Variants in TRIM66 observed in about 807,000 individuals in gnomAD.
TRIM66 encodes the protein tripartite motif containing 66.
Under a neutral mutation model 148.2 loss-of-function variants are expected in TRIM66, and 99 were observed. The ratio of observed to expected loss-of-function variants is 0.67; its 90% confidence interval spans 0.57 to 0.79. TRIM66 has a LOEUF of 0.79. TRIM66 is among the 30% of genes least tolerant of loss of function. The probability of loss-of-function intolerance (pLI) is 0.00; values close to 1 mark genes in which losing one functional copy is unlikely to be tolerated. For synonymous variants in TRIM66, 616 were observed against 635.9 expected, an observed-to-expected ratio of 0.97 and a Z score of 0.47; for missense variants, 1,666 against 1,697.9, an observed-to-expected ratio of 0.98 and a Z score of 0.33.
Position 8,617,872 on chromosome 11 carries a change from G to A in TRIM66, c.*72C>T. 1 of 1,417,920 alleles carries A rather than the reference G, an allele frequency of 7.1e-7. No individual in the cohort carries two copies. Among genetic ancestry groups the A allele is most frequent in the Non-Finnish European group, 9.8e-7 (1 of 1,025,262 alleles). 87.8% of individuals were successfully genotyped at this position (1,417,920 alleles called of 1,614,324 possible). ...ACCATCCACACTCTGAAGAGGATAA[G>A]CTGCAAGATGGGGAGGAATGGTCGA... On this transcript the variant is annotated 3_prime_UTR_variant, in exon 25 of 25. Transcript: ENST00000646038.
chr11:8,629,057 A>T (rs556951827), intron 15 of TRIM66, among the ~76,000 whole-genome samples: 1 of 152,210 alleles, frequency 6.6e-6, no homozygotes, highest in South Asian at 2.1e-4. Context: ...GTTGAAGAGA[A>T]GCAAGGTGGA....
Position 8,649,846 on chromosome 11 carries a change from G to A in TRIM66, c.486C>T (p.Leu162=), listed in dbSNP as rs773949396. Residue 162 remains leucine (L), a synonymous_variant, in exon 8 of 25, where the codon CTC becomes CTT. Transcript: ENST00000646038. ...ACAGCCAGCGATTGCAGTAGGTGCA[G>A]AGGATATGTGCTGCCCTCTTCTCCT... ...ECKEKRAAHI[L]CTYCNRWLCS... is the part of the protein sequence containing the mutation. 109 of 1,551,706 alleles carry A rather than the reference G, an allele frequency of 7.0e-5. 1 individual carries two copies. In the South Asian group the frequency reaches 1.2e-3, roughly 17 times the overall value.
chr11:8,655,809 A>G (rs1465632341), intron 6 of TRIM66, among the ~76,000 whole-genome samples: 1 of 152,036 alleles, frequency 6.6e-6, no homozygotes, highest in African/African-American at 2.4e-5. Context: ...AAAATAAAAA[A>G]TTAAAAAAAA....
At chr11:8,669,423 C>T (rs1047075504) in intron 6 of TRIM66, among the ~76,000 whole-genome samples, 9 of 152,130 alleles carry the variant, frequency 5.9e-5, no homozygotes, top group Admixed American at 2.6e-4. Flanking sequence ...GCAGGCAGGT[C>T]ACTTGAGGTC....
In TRIM66 at chr11:8,672,101, G is replaced by A; in HGVS notation, c.28-3C>T. 2 of 1,527,036 alleles carry A rather than the reference G, an allele frequency of 1.3e-6. No homozygotes were observed. Among genetic ancestry groups the A allele is most frequent in the Non-Finnish European group, 1.8e-6 (2 of 1,142,306 alleles). 94.6% of individuals were successfully genotyped at this position (1,527,036 alleles called of 1,614,324 possible). A position where few individuals can be genotyped will look rare whatever the true frequency, so the allele number is the denominator to read the frequency against. The stretch of plus-strand genomic sequence containing the variant: ...GTAGAGCGAGCCAGCTCCACTCCCT[G>A]TAAGTGAAGCACAAAGCAGAGTGAT... On this transcript the variant is annotated splice_region_variant and splice_polypyrimidine_tract_variant and intron_variant, in intron 5 of 24. Coordinates refer to ENST00000646038, the MANE Select transcript of TRIM66 (RefSeq NM_001388022.1).
chr11:8,647,973 T>C lies in TRIM66; in HGVS notation c.839A>G (p.Asp280Gly). 6.4e-7 allele frequency: 1 copy of C among 1,551,418 alleles called. No individual in the cohort carries two copies. The highest frequency in any genetic ancestry group is 8.7e-7 in the Non-Finnish European group (1 of 1,146,576). The change falls in exon 10 of 25, where the codon GAC becomes GGC. Residue 280 changes from aspartate to glycine, a missense_variant. Asp to Gly is a moderately conservative substitution (Grantham distance 94, BLOSUM62 -1). Coordinates refer to ENST00000646038, the MANE Select transcript of TRIM66 (RefSeq NM_001388022.1). ...GCAAGGCACTAGCCTGTGCTACCTG[T>C]CCTCAATTTGCTTTGCAGATGTCTG... ...SLQTSAKQIE[D>G]RIFEVKHQHR...
rs1472260510 is a variant in TRIM66 at position 8,617,720 on chromosome 11, T to TAA, written c.*222_*223dup. Reference sequence around the variant, plus strand: ...ATACATCTGATTACTCTGGTAATAATAAATACCTTCCTCTTTCCTGTTTAT... The same window carrying TAA: ...ATACATCTGATTACTCTGGTAATAATAAAAATACCTTCCTCTTTCCTGTTTAT... On this transcript the variant is annotated 3_prime_UTR_variant, in exon 25 of 25. Transcript: ENST00000646038. 3.1e-5 allele frequency: 17 copies of TAA among 544,576 alleles called. No individual in the cohort carries two copies. The highest frequency in any genetic ancestry group is 5.5e-5 in the Non-Finnish European group (17 of 306,492). The allele number at this position is 544,576 out of a possible 1,614,324, so 33.7% of individuals were successfully genotyped here. A position where few individuals can be genotyped will look rare whatever the true frequency, so the allele number is the denominator to read the frequency against.
At chr11:8,651,330 G>C (rs1325947116) in intron 7 of TRIM66, among the ~76,000 whole-genome samples, 5 of 152,084 alleles carry the variant, frequency 3.3e-5, no homozygotes, top group African/African-American at 1.2e-4. Flanking sequence ...CGGCCAATAA[G>C]TGATAAAAAT....
chr11:8,641,209 T>C (rs2133096531), intron 13 of TRIM66, 57 bp from the exon 14 acceptor site: 1 of 1,436,950 alleles, frequency 7.0e-7, no homozygotes, highest in Non-Finnish European at 9.4e-7. Flanking sequence ...CCCACCTTGC[T>C]ACTTCCTGCT....
intron 7 of TRIM66, among the ~76,000 whole-genome samples, chr11:8,651,056 C>G (rs1025139211): frequency 2.6e-5 from 4 of 152,164 alleles, no homozygotes; most frequent in Admixed American, 6.5e-5. Context: ...TATAAAACAT[C>G]AAGAGAAGGG....
Position 8,617,208 on chromosome 11 carries a change from G to GT in TRIM66, c.*735dup, listed in dbSNP as rs1565464328. On this transcript the variant is annotated 3_prime_UTR_variant, in exon 25 of 25. Coordinates refer to ENST00000646038, the MANE Select transcript of TRIM66 (RefSeq NM_001388022.1). ...CTGAAGTGGACATCTTACTAAGTCT[G>GT]TAAGTGAAATCTGAACCAGAAGATT... 2 of 152,444 alleles carry GT rather than the reference G, an allele frequency of 1.3e-5. No homozygotes were observed. The highest frequency in any genetic ancestry group is 4.1e-4 in the South Asian group (2 of 4,836). The allele number at this position is 152,444 out of a possible 1,614,324, so 9.4% of individuals were successfully genotyped here. A position where few individuals can be genotyped will look rare whatever the true frequency, so the allele number is the denominator to read the frequency against.
chr11:8,666,279 C>T (rs2133435363), intron 6 of TRIM66, among the ~76,000 whole-genome samples: 1 of 140,104 alleles, frequency 7.1e-6, no homozygotes, highest in South Asian at 2.2e-4. Flanking sequence ...GCAGAGGTTC[C>T]AGTGAGCCAA....
At chr11:8,683,064 G>A, upstream of TRIM66, 1 of 967,668 alleles carries the variant, frequency 1.0e-6, no homozygotes, top group Non-Finnish European at 1.6e-6. Flanking sequence ...GGCCCTGAGC[G>A]GATCGGTACC....
rs1229221055 is a variant in TRIM66 at position 8,613,512 on chromosome 11, T to A, written c.*4432A>T. On this transcript the variant is annotated 3_prime_UTR_variant, in exon 25 of 25. Transcript: ENST00000646038. The stretch of plus-strand genomic sequence containing the variant: ...AGAATCAGTTTAAAAAGGATCTTTT[T>A]AAAAGTAACTTGGTTAACAAGGAAA... The A allele has an allele frequency of 6.6e-6, 1 of 152,176 alleles. No homozygotes were observed. The highest frequency in any genetic ancestry group is 1.5e-5 in the Non-Finnish European group (1 of 68,036). 9.4% of individuals were successfully genotyped at this position (152,176 alleles called of 1,614,324 possible).
chr11:8,655,182 T>C (rs2037715899), intron 6 of TRIM66, among the ~76,000 whole-genome samples: 1 of 152,058 alleles, frequency 6.6e-6, no homozygotes, highest in Admixed American at 6.6e-5. Flanking sequence ...TTTCGGGAGT[T>C]TGTGTGTTCC....
rs976067522 is a variant in TRIM66, at chr11:8,618,902, T to C, written c.3967A>G (p.Ile1323Val). 1.2e-5 allele frequency: 19 copies of C among 1,551,244 alleles called. No individual in the cohort carries two copies. In the East Asian group the frequency reaches 4.4e-4, roughly 36 times the overall value. Reference sequence around the variant, plus strand: ...TGGGCAAACCGTTTCTCCGGGTAGATCTCCTTCAACCAGCCCTCAAAGAAC... The same window carrying C: ...TGGGCAAACCGTTTCTCCGGGTAGACCTCCTTCAACCAGCCCTCAAAGAAC... The part of the protein sequence containing the change: ...EVFFEGWLKE[I>V]YPEKRFAQPR... Residue 1323 changes from isoleucine to valine, a missense_variant, in exon 24 of 25, where the codon ATC becomes GTC. Ile to Val is a conservative substitution (Grantham distance 29). Around this residue, in one of 3 missense-constraint regions of TRIM66, gnomAD observed 204 missense variants for 231.0 expected, o/e 0.88. Coordinates refer to ENST00000646038, the MANE Select transcript of TRIM66 (RefSeq NM_001388022.1).
rs537498198 is a variant in TRIM66, at chr11:8,679,679, G to C, written c.-249C>G. 5.4e-4 allele frequency: 83 copies of C among 152,744 alleles called. 1 individual carries two copies. Among genetic ancestry groups the C allele is most frequent in the African/African-American group, 2.0e-3 (83 of 41,534 alleles). 9.5% of individuals were successfully genotyped at this position (152,744 alleles called of 1,614,324 possible). A position where few individuals can be genotyped will look rare whatever the true frequency, so the allele number is the denominator to read the frequency against. ...CCAGGTAACCCAGCTCATTTCTTGT[G>C]CACTTACTGGCCAGTTTTGATGTCA... On this transcript the variant is annotated 5_prime_UTR_variant, in exon 3 of 25. Transcript: ENST00000646038.
intron 3 of TRIM66, chr11:8,679,356 G>C (rs1196202409): frequency 6.6e-6 from 1 of 152,232 alleles, no homozygotes; most frequent in Non-Finnish European, 1.5e-5. Flanking sequence ...ACCAGATCAA[G>C]CCATTGATGA....
At chr11:8,622,622 C>T (rs1252948474) in intron 18 of TRIM66, among the ~76,000 whole-genome samples, 194 bp downstream of exon 18, 1 of 151,842 alleles carries the variant, frequency 6.6e-6, no homozygotes, top group Non-Finnish European at 1.5e-5. Flanking sequence ...GAGCGCATGC[C>T]TCGTGGTGCA....
Sources: gnomAD v4.1 joint callset for allele counts (sites outside exome capture counted in the v4.1 genomes callset) on GRCh38, gnomAD v4.1.1 for gene constraint, gnomAD v4.1.1 regional missense constraint, MANE v1.5 for transcripts, NCBI Gene and HGNC (gene_info 2026-07-23, HGNC 2026-07-21) for gene names.